The following ING5 variants were observed in gnomAD, a reference collection of about 807,000 sequenced individuals.
The protein encoded by ING5 is inhibitor of growth protein 5.
In ING5, 17 loss-of-function variants were observed where a neutral mutation model predicts 37.4. The observed-to-expected ratio is 0.45, with a 90% CI of 0.31 to 0.68. ING5 has a LOEUF of 0.68. Among genes scored for constraint, ING5 ranks in the 30% least tolerant of loss-of-function variants. The pLI is 0.05. For missense variants in ING5, 233 were observed against 311.9 expected, an observed-to-expected ratio of 0.75 and a Z score of 1.91; for synonymous variants, 123 against 116.6, an observed-to-expected ratio of 1.06 and a Z score of -0.36.
chr2:241,725,062 A>G lies in ING5; in HGVS notation c.*31A>G, dbSNP rs1334708216. 1.4e-5 allele frequency: 23 copies of G among 1,608,704 alleles called. No homozygotes were observed. The highest frequency in any genetic ancestry group is 1.9e-5 in the Non-Finnish European group (22 of 1,175,074). The stretch of plus-strand genomic sequence containing the variant: ...GCTGTGTGCCCGGATCCGAGGAGCA[A>G]GTTAATCTGTCCCTTCATTCGTGTC... On this transcript the variant is annotated 3_prime_UTR_variant, in exon 8 of 8. Coordinates refer to ENST00000313552, the MANE Select transcript of ING5 (RefSeq NM_032329.6).
At position 241,702,088 on chromosome 2, in the gene ING5, A is replaced by C; in HGVS notation, c.23A>C (p.Glu8Ala). ...AAGATGGCGACCGCCATGTACTTGGAGCACTATCTGGACAGTAAGCGCGCC... is the reference window on the plus strand; with the variant it reads ...AAGATGGCGACCGCCATGTACTTGGCGCACTATCTGGACAGTAAGCGCGCC... Reference protein sequence around the residue: MATAMYLEHYLDSIENLP... With the variant: MATAMYLAHYLDSIENLP... The change falls in exon 1 of 8, where the codon GAG becomes GCG. Residue 8 changes from glutamate (E) to alanine (A), a missense_variant. Physicochemically the swap from Glu to Ala is moderately radical, Grantham distance 107 (BLOSUM62 -1). Transcript: ENST00000313552. The C allele has an allele frequency of 7.2e-7, 1 of 1,387,894 alleles. No individual in the cohort carries two copies. The highest frequency in any genetic ancestry group is 9.4e-7 in the Non-Finnish European group (1 of 1,064,406). 86.0% of individuals were successfully genotyped at this position (1,387,894 alleles called of 1,614,324 possible).
At chr2:241,688,857 G>A (rs2069500865) in intron 1 of ING5, among the ~76,000 whole-genome samples, 1 of 151,912 alleles carries the variant, frequency 6.6e-6, no homozygotes, top group Non-Finnish European at 1.5e-5. Context: ...GGAGTGCAGT[G>A]GCGCAATCTT....
At chr2:241,701,971 C>T (rs1043478515), upstream of ING5, 2 of 854,736 alleles carry the variant, frequency 2.3e-6, no homozygotes, top group Non-Finnish European at 3.1e-6. Context: ...TCAGCGCGCG[C>T]GACTCATGAA....
intron 5 of ING5, chr2:241,721,196 G>A (rs1575140109): frequency 2.0e-6 from 2 of 985,666 alleles, no homozygotes; most frequent in Non-Finnish European, 2.4e-6. Context: ...CCTTGGAGGT[G>A]AAGCCACAGG....
intron 2 of ING5, among the ~76,000 whole-genome samples, chr2:241,695,400 T>C (rs1306472926): frequency 6.7e-6 from 1 of 150,178 alleles, no homozygotes; most frequent in African/African-American, 2.5e-5. Context: ...TATAACAAAA[T>C]AGTTCTTGGC....
intron 2 of ING5, 47 bp from the exon 3 acceptor site, chr2:241,709,169 T>G: frequency 5.1e-6 from 8 of 1,564,434 alleles, no homozygotes; most frequent in Non-Finnish European, 6.9e-6. Context: ...GGTGAGCACA[T>G]CATGGTGTCT....
At chr2:241,694,336 G>C (rs1269536359) in intron 2 of ING5, 1 of 151,584 alleles carries the variant, frequency 6.6e-6, no homozygotes, top group African/African-American at 2.4e-5. Flanking sequence ...CCAGCTTTTC[G>C]GGAGGCTGAG....
At chr2:241,712,347 C>G in intron 5 of ING5, 1 of 365,734 alleles carries the variant, frequency 2.7e-6, no homozygotes, top group Non-Finnish European at 5.0e-6. Context: ...ACTCCAGTGC[C>G]TGTCCTCTTA....
exon 1 of ING5, chr2:241,687,091 G>C: frequency 2.6e-6 from 1 of 391,976 alleles, no homozygotes; most frequent in Non-Finnish European, 4.5e-6. Context: ...ACGCGGCGCG[G>C]GCTGGACGGC....
intron 7 of ING5, chr2:241,723,987 G>A (rs1691500932): frequency 7.5e-7 from 1 of 1,329,510 alleles, no homozygotes; most frequent in Non-Finnish European, 1.0e-6. Flanking sequence ...TCCAGCCTGG[G>A]CGAGAGAGCA....
rs149424710 is a variant in ING5, at chr2:241,696,105, A to G, written c.43+5452A>G. ...ATGTGAGATCCTGTCTCAAAAAACA[A>G]AACAGGCTGGGCTCGGTGTCTCATG... On this transcript the variant is annotated intron_variant, in intron 2 of 7. Coordinates refer to the ING5 transcript ENST00000636051. Among the ~76,000 whole-genome samples, 1,489 of 152,230 alleles carry G rather than the reference A, an allele frequency of 9.8e-3. 34 individuals carry two copies. Among genetic ancestry groups the G allele is most frequent in the African/African-American group, 0.034 (1,407 of 41,554 alleles).
At chr2:241,720,694 G>C (rs2070409042) in intron 5 of ING5, 3 of 985,500 alleles carry the variant, frequency 3.0e-6, no homozygotes, top group Non-Finnish European at 3.6e-6. Context: ...CTGGCGAGGG[G>C]TGCCTGCCAC....
chr2:241,721,739 C>G, intron 5 of ING5: 1 of 985,420 alleles, frequency 1.0e-6, no homozygotes, highest in Non-Finnish European at 1.2e-6. Flanking sequence ...AATACACTGT[C>G]TATAGTACCT....
intron 7 of ING5, 128 bp from the exon 8 acceptor site, chr2:241,724,861 G>C (rs1691545931): frequency 4.4e-6 from 4 of 899,840 alleles, no homozygotes; most frequent in Non-Finnish European, 7.1e-6. Context: ...GCCCCACTGC[G>C]TGTGCCTCTC....
At position 241,712,082 on chromosome 2, in the gene ING5, T is replaced by C. The variant is rs749008184; in HGVS notation, c.482+11T>C. On this transcript the variant is annotated intron_variant, in intron 5 of 7. Coordinates refer to ENST00000313552, the MANE Select transcript of ING5 (RefSeq NM_032329.6). ...GAAGCACAAAGGAGGGTAAGAGGCT[T>C]TCCCCTCTTTTTCCCAAAAGAACGA... 6.3e-7 allele frequency: 1 copy of C among 1,578,668 alleles called. No homozygotes were observed. The highest frequency in any genetic ancestry group is 1.2e-5 in the South Asian group (1 of 86,098).
intron 5 of ING5, among the ~76,000 whole-genome samples, chr2:241,717,077 A>AT (rs372898679): frequency 0.04 from 5,711 of 142,002 alleles, 144 homozygotes; most frequent in Middle Eastern, 0.081. Flanking sequence ...GGTAACCTTC[A>AT]TTTTTTTTTT....
intron 3 of ING5, among the ~76,000 whole-genome samples, chr2:241,711,050 C>T (rs1179946952): frequency 6.6e-6 from 1 of 152,142 alleles, no homozygotes; most frequent in Non-Finnish European, 1.5e-5. Flanking sequence ...CACCTGGCCT[C>T]CAGGTAGCCA....
intron 5 of ING5, chr2:241,719,613 G>A: frequency 6.5e-7 from 1 of 1,535,938 alleles, no homozygotes; most frequent in Non-Finnish European, 8.7e-7. Flanking sequence ...TTTCTCAAGG[G>A]TATGCTAGGC....
chr2:241,703,724 G>T (rs2069814768), intron 1 of ING5, among the ~76,000 whole-genome samples: 1 of 152,052 alleles, frequency 6.6e-6, no homozygotes, highest in Admixed American at 6.6e-5. Context: ...TCATGCCCTA[G>T]CCTCTCGAGT....
Sources: gnomAD v4.1 joint callset for allele counts (sites outside exome capture counted in the v4.1 genomes callset) on GRCh38, gnomAD v4.1.1 for gene constraint, MANE v1.5 for transcripts, NCBI Gene and HGNC (gene_info 2026-07-23, HGNC 2026-07-21) for gene names.